The following PKHD1L1 variants were observed in gnomAD, a reference collection of about 807,000 sequenced individuals.
The protein encoded by PKHD1L1 is fibrocystin-L.
Under a neutral mutation model 462.9 loss-of-function variants are expected in PKHD1L1, and 434 were observed. The ratio of observed to expected loss-of-function variants is 0.94; its 90% CI spans 0.87 to 1.02. The LOEUF is 1.02. PKHD1L1 is among the 50% of genes least tolerant of loss of function. PKHD1L1 has a pLI of 0.00. For synonymous variants in PKHD1L1, 1,781 were observed against 1,750.0 expected (o/e 1.02, Z -0.44); for missense variants, 5,202 against 5,096.1 (o/e 1.02, Z -0.63).
intron 15 of PKHD1L1, 32 bp downstream of exon 15, chr8:109,404,745 A>G (rs1813445376): frequency 3.9e-6 from 6 of 1,551,838 alleles, no homozygotes; most frequent in Non-Finnish European, 5.2e-6. Context: ...TCTTACAGAA[A>G]GTAAATGTTC....
chr8:109,384,081 T>C lies in PKHD1L1; in HGVS notation c.429T>C (p.Phe143=). 1 of 1,609,686 alleles carries C rather than the reference T, an allele frequency of 6.2e-7. No homozygotes were observed. Among genetic ancestry groups the C allele is most frequent in the Non-Finnish European group, 8.5e-7 (1 of 1,176,310 alleles). The change falls in exon 5 of 78, where the codon TTT becomes TTC. Residue 143 remains phenylalanine, a synonymous_variant. Coordinates refer to ENST00000378402, the MANE Select transcript of PKHD1L1 (RefSeq NM_177531.6). ...SWECTFNAKS[F]RTPTIRSITP... is the part of the protein sequence containing the mutation. ...TATTCTTTTTACAGGCAAAAAGTTT[T>C]AGAACCCCAACAATAAGAAGCATCA...
At chr8:109,517,680 A>T (rs766708545) in intron 72 of PKHD1L1, among the ~76,000 whole-genome samples, 12 of 151,436 alleles carry the variant, frequency 7.9e-5, no homozygotes, top group Non-Finnish European at 1.6e-4. Flanking sequence ...TGTATACTTC[A>T]TTTTTATTAC....
intron 53 of PKHD1L1, among the ~76,000 whole-genome samples, chr8:109,478,418 A>T (rs1209462479): frequency 6.6e-6 from 1 of 152,154 alleles, no homozygotes; most frequent in Non-Finnish European, 1.5e-5. Context: ...AAAGTATGTA[A>T]GTGTGAGTTG....
At chr8:109,415,379 G>T (rs1037648728) in intron 21 of PKHD1L1, among the ~76,000 whole-genome samples, 7 of 152,172 alleles carry the variant, frequency 4.6e-5, no homozygotes, top group South Asian at 2.1e-4. Flanking sequence ...TCTAAAAATT[G>T]TTGACATATG....
Position 109,536,407 on chromosome 8 carries a change from T to C in PKHD1L1, c.*6317T>C, listed in dbSNP as rs533068971. Reference sequence around the variant, plus strand: ...ACATTGTTTCATGTTGTTTTATTTCTACTTTCTCAATCCATGTACAAGATA... The same window carrying C: ...ACATTGTTTCATGTTGTTTTATTTCCACTTTCTCAATCCATGTACAAGATA... On this transcript the variant is annotated 3_prime_UTR_variant, in exon 78 of 78. Transcript: ENST00000378402. 1.3e-5 allele frequency among the ~76,000 whole-genome samples: 2 copies of C among 152,248 alleles called. No homozygotes were observed. Among genetic ancestry groups the C allele is most frequent in the Non-Finnish European group, 2.9e-5 (2 of 68,042 alleles).
rs191045210 is a variant in PKHD1L1, at chr8:109,477,773, G to A, written c.9089+377G>A. ...ACAGCACCAGAAACTAAGTCTCCTCGTGAATCCAATGCTTTCTTAGCAGGT... is the reference window on the plus strand; with the variant it reads ...ACAGCACCAGAAACTAAGTCTCCTCATGAATCCAATGCTTTCTTAGCAGGT... On this transcript the variant is annotated intron_variant, in intron 53 of 77. Coordinates refer to ENST00000378402, the MANE Select transcript of PKHD1L1 (RefSeq NM_177531.6). 3.6e-4 allele frequency among the ~76,000 whole-genome samples: 55 copies of A among 152,228 alleles called. No homozygotes were observed. The South Asian group carries it at 9.1e-3, about 25-fold the overall frequency.
chr8:109,370,474 T>C (rs1479183469), intron 2 of PKHD1L1, among the ~76,000 whole-genome samples: 1 of 151,488 alleles, frequency 6.6e-6, no homozygotes, highest in Non-Finnish European at 1.5e-5. Context: ...TTTTTTCTTA[T>C]ATTTTATTTT....
chr8:109,415,315 A>G (rs1814092813), intron 21 of PKHD1L1, among the ~76,000 whole-genome samples: 1 of 152,024 alleles, frequency 6.6e-6, no homozygotes, highest in South Asian at 2.1e-4. Flanking sequence ...CCCCAACACT[A>G]TTTTCAAAAT....
chr8:109,442,157 G>A lies in PKHD1L1; in HGVS notation c.4355G>A (p.Gly1452Asp). Reference protein sequence around the residue: ...VSSPGSVIYDGKGFTSGRQKS... With the variant: ...VSSPGSVIYDDKGFTSGRQKS... The stretch of plus-strand genomic sequence containing the variant: ...AGTCCTGGAAGTGTAATTTATGATG[G>A]CAAAGGATTCACAAGTGGAAGACAA... Residue 1452 changes from glycine (G) to aspartate (D), a missense_variant, in exon 35 of 78, where the codon GGC becomes GAC. Physicochemically the swap from Gly to Asp is moderately conservative, Grantham distance 94 (BLOSUM62 -1). Around this residue, in one of 3 missense-constraint regions of PKHD1L1, gnomAD observed 4,497 missense variants for 4,336.8 expected, o/e 1.04. Coordinates refer to ENST00000378402, the MANE Select transcript of PKHD1L1 (RefSeq NM_177531.6). 3 of 1,612,778 alleles carry A rather than the reference G, an allele frequency of 1.9e-6. No individual in the cohort carries two copies. The highest frequency in any genetic ancestry group is 2.2e-5 in the South Asian group (2 of 90,966).
At position 109,490,010 on chromosome 8, in the gene PKHD1L1, T is replaced by C. The variant is rs772065100; in HGVS notation, c.9939T>C (p.Asp3313=). ...FYHSGQEGFR[D]STDPRYAVTF... is the part of the protein sequence containing the mutation. ...ACAGTGGTCAAGAAGGCTTCAGGGA[T>C]AGCACAGATCCAAGATATGCTGTAA... Residue 3313 remains aspartate (D), a synonymous_variant, in exon 60 of 78, where the codon GAT becomes GAC. Transcript: ENST00000378402. 1 of 1,609,762 alleles carries C rather than the reference T, an allele frequency of 6.2e-7. No homozygotes were observed. Among genetic ancestry groups the C allele is most frequent in the Non-Finnish European group, 8.5e-7 (1 of 1,176,910 alleles).
chr8:109,386,441 G>A (rs542476222), intron 6 of PKHD1L1, among the ~76,000 whole-genome samples: 1 of 152,234 alleles, frequency 6.6e-6, no homozygotes, highest in African/African-American at 2.4e-5. Flanking sequence ...TCAGCAATTA[G>A]AGAATTTTTT....
In PKHD1L1 at chr8:109,404,527, A is replaced by T. The variant is rs1399721269; in HGVS notation, c.1374-27A>T. 4.3e-6 allele frequency: 6 copies of T among 1,392,016 alleles called. No individual in the cohort carries two copies. The East Asian group carries it at 1.0e-4, about 24-fold the overall frequency. The allele number at this position is 1,392,016 out of a possible 1,614,324, so 86.2% of individuals were successfully genotyped here. On this transcript the variant is annotated intron_variant, in intron 14 of 77. Coordinates refer to ENST00000378402, the MANE Select transcript of PKHD1L1 (RefSeq NM_177531.6). Reference sequence around the variant, plus strand: ...ATGGCAAGTGTTCTGGAAAAAAGTTATATTCATTAGTTACTCTATTTTCCA... The same window carrying T: ...ATGGCAAGTGTTCTGGAAAAAAGTTTTATTCATTAGTTACTCTATTTTCCA...
At chr8:109,492,106 T>C in intron 62 of PKHD1L1, 112 bp downstream of exon 62, 1 of 864,810 alleles carries the variant, frequency 1.2e-6, no homozygotes, top group South Asian at 3.4e-5. Context: ...AAAGATGATG[T>C]AAGTTTCGAT....
chr8:109,434,191 A>G (rs1218064096), intron 28 of PKHD1L1, among the ~76,000 whole-genome samples: 1 of 152,140 alleles, frequency 6.6e-6, no homozygotes, highest in Non-Finnish European at 1.5e-5. Context: ...TGATATGTGT[A>G]TATCTATGTA....
In PKHD1L1 at chr8:109,415,864, G is replaced by GCGT. The variant is rs1554637087; in HGVS notation, c.2360+2319_2360+2320insCGT. 6.0e-5 allele frequency among the ~76,000 whole-genome samples: 6 copies of GCGT among 100,408 alleles called. 1 individual carries two copies. The highest frequency in any genetic ancestry group is 2.4e-4 in the Admixed American group (2 of 8,318). 65.9% of individuals were successfully genotyped at this position (100,408 alleles called of 152,430 possible). Reference sequence around the variant, plus strand: ...CCTTGTCTTAAAAAAAAAAAAAAGGGGTGTGTGTGTGTGTGTGTGTGTGTG... The same window carrying GCGT: ...CCTTGTCTTAAAAAAAAAAAAAAGGGCGTGTGTGTGTGTGTGTGTGTGTGTGTG... On this transcript the variant is annotated intron_variant, in intron 21 of 77. Transcript: ENST00000378402.
At chr8:109,388,788 C>A (rs955606447) in intron 7 of PKHD1L1, among the ~76,000 whole-genome samples, 7 of 152,050 alleles carry the variant, frequency 4.6e-5, no homozygotes, top group Non-Finnish European at 1.0e-4. Context: ...ATGTTTTGAG[C>A]AATATCTTTA....
At chr8:109,371,718 A>G (rs1439542189) in intron 2 of PKHD1L1, among the ~76,000 whole-genome samples, 2 of 147,560 alleles carry the variant, frequency 1.4e-5, no homozygotes, top group Admixed American at 1.4e-4. Context: ...AGCTTTCTAC[A>G]TATGGCTAGC....
intron 56 of PKHD1L1, among the ~76,000 whole-genome samples, chr8:109,482,581 C>T (rs1818325920): frequency 6.6e-6 from 1 of 151,676 alleles, no homozygotes; most frequent in African/African-American, 2.4e-5. Flanking sequence ...GTTTTCTTTT[C>T]TCAGTGAACA....
intron 47 of PKHD1L1, 100 bp from the exon 48 acceptor site, chr8:109,461,672 A>C: frequency 7.9e-7 from 1 of 1,272,204 alleles, no homozygotes; most frequent in East Asian, 2.5e-5. Flanking sequence ...TGAGGTTGAG[A>C]TCATATGTGA....
Sources: allele counts gnomAD v4.1 joint callset (sites outside exome capture counted in the v4.1 genomes callset), GRCh38; gene constraint gnomAD v4.1.1; regional missense constraint gnomAD v4.1.1; transcripts MANE v1.5; gene names NCBI Gene and HGNC (gene_info 2026-07-23, HGNC 2026-07-21).